Variants in TCAIM observed in about 807,000 individuals in gnomAD.
TCAIM encodes the protein T-cell activation inhibitor, mitochondrial.
In TCAIM, 36 loss-of-function variants were observed where a neutral mutation model predicts 58.6. The ratio of observed to expected loss-of-function variants is 0.61; its 90% CI spans 0.47 to 0.81. The LOEUF is 0.81. Ranked by LOEUF, TCAIM falls within the 30% of genes least tolerant of loss-of-function variation. The pLI is 0.00. For synonymous variants in TCAIM, 172 were observed against 193.6 expected (o/e 0.89, Z 0.93); for missense variants, 466 against 579.6 (o/e 0.80, Z 2.01).
intron 1 of TCAIM, among the ~76,000 whole-genome samples, chr3:44,342,313 A>G (rs1425050190): frequency 2.0e-5 from 3 of 152,192 alleles, no homozygotes; most frequent in African/African-American, 7.2e-5. Flanking sequence ...CTGTAATGCC[A>G]TTCTTGCATT....
At chr3:44,381,278 T>C (rs1247031478) in intron 5 of TCAIM, among the ~76,000 whole-genome samples, 3 of 152,140 alleles carry the variant, frequency 2.0e-5, no homozygotes, top group Non-Finnish European at 4.4e-5. Flanking sequence ...CCAAGTAGGA[T>C]ATATTCCTAG....
chr3:44,368,565 G>A (rs905393458), intron 5 of TCAIM, among the ~76,000 whole-genome samples: 8 of 152,184 alleles, frequency 5.3e-5, no homozygotes, highest in South Asian at 2.1e-4. Flanking sequence ...ATGTACCTAC[G>A]TGTGATAGTC....
intron 1 of TCAIM, among the ~76,000 whole-genome samples, chr3:44,351,300 G>C (rs917841167): frequency 1.3e-5 from 2 of 151,634 alleles, no homozygotes; most frequent in African/African-American, 4.8e-5. Context: ...GGAGCAAAGA[G>C]CAGGAGAACA....
intron 1 of TCAIM, among the ~76,000 whole-genome samples, chr3:44,349,878 T>TA (rs1424021184): frequency 6.6e-6 from 1 of 152,180 alleles, no homozygotes; most frequent in Admixed American, 6.5e-5. Context: ...AGAGGCCGCT[T>TA]ACCCGATTTA....
At position 44,392,971 on chromosome 3, in the gene TCAIM, A is replaced by C. The variant is rs752069359; in HGVS notation, c.689A>C (p.Asp230Ala). 2 of 1,609,168 alleles carry C rather than the reference A, an allele frequency of 1.2e-6. No homozygotes were observed. The highest frequency in any genetic ancestry group is 2.2e-5 in the South Asian group (2 of 90,276). Residue 230 changes from aspartate to alanine, a missense_variant, in exon 6 of 11, where the codon GAT becomes GCT. By Grantham distance (126) the Asp-to-Ala change is moderately radical (BLOSUM62 -2). Coordinates refer to ENST00000342649, the MANE Select transcript of TCAIM (RefSeq NM_173826.4). ...DELSHQLQLS[D>A]IRWQRSWGIA... ...CTGTCTCATCAATTGCAACTCTCAGATATCAGGTAAGAAAGAAGAGAGAAC... is the reference window on the plus strand; with the variant it reads ...CTGTCTCATCAATTGCAACTCTCAGCTATCAGGTAAGAAAGAAGAGAGAAC...
chr3:44,393,242 G>A (rs1254981692), intron 6 of TCAIM, among the ~76,000 whole-genome samples: 1 of 152,036 alleles, frequency 6.6e-6, no homozygotes, highest in African/African-American at 2.4e-5. Context: ...AGGATCGCTT[G>A]AGCCCAGGAG....
chr3:44,378,484 G>A (rs1701602609), intron 5 of TCAIM, among the ~76,000 whole-genome samples: 1 of 151,590 alleles, frequency 6.6e-6, no homozygotes, highest in African/African-American at 2.4e-5. Flanking sequence ...TGTACATGCA[G>A]CCAACAGGCG....
chr3:44,368,951 A>T (rs1701422175), intron 5 of TCAIM, among the ~76,000 whole-genome samples: 3 of 152,278 alleles, frequency 2.0e-5, no homozygotes, highest in South Asian at 4.2e-4. Context: ...TGAGCACAGG[A>T]GTTTGAGGCT....
chr3:44,389,126 CTAA>C (rs1384778709), intron 5 of TCAIM, among the ~76,000 whole-genome samples: 1 of 152,158 alleles, frequency 6.6e-6, no homozygotes, highest in Non-Finnish European at 1.5e-5. Flanking sequence ...CCCATCTCTG[CTAA>C]TAATACAAAA....
chr3:44,386,353 G>T (rs1056849437), intron 5 of TCAIM, among the ~76,000 whole-genome samples: 17 of 152,280 alleles, frequency 1.1e-4, no homozygotes. Context: ...AGCCCATCTG[G>T]AGCAGCCACT....
chr3:44,392,833 G>T (rs1010505113), intron 5 of TCAIM, 22 bp from the exon 6 acceptor site: 2 of 1,604,330 alleles, frequency 1.2e-6, no homozygotes, highest in African/African-American at 2.7e-5. Context: ...GTATTGTAAA[G>T]TATGTATCTC....
intron 1 of TCAIM, among the ~76,000 whole-genome samples, chr3:44,341,975 C>G (rs1700863306): frequency 6.6e-6 from 1 of 152,268 alleles, no homozygotes; most frequent in Non-Finnish European, 1.5e-5. Context: ...CTGTGTCTTT[C>G]CACCATTTTA....
At chr3:44,356,980 C>CA (rs1016569841) in intron 2 of TCAIM, among the ~76,000 whole-genome samples, 25 of 142,072 alleles carry the variant, frequency 1.8e-4, no homozygotes, top group Admixed American at 4.2e-4. Flanking sequence ...GACTCCATCT[C>CA]AAAAAAAAAG....
chr3:44,342,290 C>A (rs893278076), intron 1 of TCAIM, among the ~76,000 whole-genome samples: 1 of 152,108 alleles, frequency 6.6e-6, no homozygotes, highest in African/African-American at 2.4e-5. Flanking sequence ...TTATATATAT[C>A]CACATGTTTC....
At chr3:44,402,091 G>C (rs1702029864) in intron 10 of TCAIM, among the ~76,000 whole-genome samples, 1 of 151,628 alleles carries the variant, frequency 6.6e-6, no homozygotes, top group African/African-American at 2.4e-5. Context: ...TAATTAACTT[G>C]AGAAGAAACC....
chr3:44,398,957 C>A (rs1352294802), intron 8 of TCAIM, among the ~76,000 whole-genome samples: 2 of 151,840 alleles, frequency 1.3e-5, no homozygotes, highest in East Asian at 3.9e-4. Flanking sequence ...TACATAACAC[C>A]CTTGAAATAA....
intron 10 of TCAIM, among the ~76,000 whole-genome samples, chr3:44,404,590 C>A (rs1702071060): frequency 6.6e-6 from 1 of 152,002 alleles, no homozygotes; most frequent in Non-Finnish European, 1.5e-5. Flanking sequence ...CCTCTCCTCG[C>A]CTTTGCTGTC....
At chr3:44,356,650 G>A (rs535804417) in intron 2 of TCAIM, among the ~76,000 whole-genome samples, 17 of 152,092 alleles carry the variant, frequency 1.1e-4, no homozygotes, top group African/African-American at 2.9e-4. Context: ...AACACTCCCA[G>A]GTGGGTTACA....
chr3:44,340,527 A>C, intron 1 of TCAIM: 1 of 152,382 alleles, frequency 6.6e-6, no homozygotes, highest in East Asian at 1.9e-4. Context: ...AACTAATTCA[A>C]GCAAAAACTT....
Sources: allele counts gnomAD v4.1 joint callset (sites outside exome capture counted in the v4.1 genomes callset), GRCh38; gene constraint gnomAD v4.1.1; transcripts MANE v1.5; gene names NCBI Gene and HGNC (gene_info 2026-07-23, HGNC 2026-07-21).